SLC36A1: variants seen among roughly 807,000 people sequenced by gnomAD.
The protein encoded by SLC36A1 is proton-coupled amino acid transporter 1.
Under a neutral mutation model 47.5 loss-of-function variants are expected in SLC36A1, and 30 were observed. The ratio of observed to expected loss-of-function variants is 0.63; its 90% CI spans 0.47 to 0.86. The LOEUF is 0.86. Among genes scored for constraint, SLC36A1 ranks in the 40% least tolerant of loss-of-function variants. The probability of loss-of-function intolerance (pLI) is 0.00; values close to 1 mark genes in which losing one functional copy is unlikely to be tolerated. For synonymous variants in SLC36A1, 255 were observed against 249.7 expected, an observed-to-expected ratio of 1.02 and a Z score of -0.20; for missense variants, 517 against 606.0, an observed-to-expected ratio of 0.85 and a Z score of 1.54.
the SLC36A1 span, among the ~76,000 whole-genome samples, chr5:151,551,305 C>T: frequency 3.3e-5 from 5 of 152,142 alleles, no homozygotes; most frequent in African/African-American, 9.7e-5. Context: ...AGAATTCTCC[C>T]AGGATCACAG....
Position 151,463,565 on chromosome 5 carries a change from C to T in SLC36A1, c.156C>T (p.Thr52=). 1 of 1,613,946 alleles carries T rather than the reference C, an allele frequency of 6.2e-7. No homozygotes were observed. The highest frequency in any genetic ancestry group is 8.5e-7 in the Non-Finnish European group (1 of 1,179,838). Residue 52 remains threonine, a synonymous_variant, in exon 3 of 11, where the codon ACC becomes ACT. Coordinates refer to ENST00000243389, the MANE Select transcript of SLC36A1 (RefSeq NM_078483.4). ...TCTTCCACTTCAGATGGTTCCAGAC[C>T]TTGATCCACCTGTTAAAAGGCAACA... ...GQSNSTTWFQ[T]LIHLLKGNIG... is the part of the protein sequence containing the mutation.
Position 151,473,131 on chromosome 5 carries a change from C to T in SLC36A1, c.724-542C>T, listed in dbSNP as rs1222937582. Among the ~76,000 whole-genome samples the T allele has an allele frequency of 2.0e-5, 3 of 152,090 alleles. No homozygotes were observed. The East Asian group carries it at 5.8e-4, about 29-fold the overall frequency. On this transcript the variant is annotated intron_variant, in intron 7 of 10. Transcript: ENST00000243389. ...GGGAGGTTGCAGTGAGCCGAGATCT[C>T]GCCACTGCACGCCAGCCTGGGTGAC...
the SLC36A1 span, among the ~76,000 whole-genome samples, chr5:151,381,737 C>A: frequency 2.6e-5 from 4 of 152,162 alleles, no homozygotes; most frequent in African/African-American, 7.2e-5. Flanking sequence ...AAGAAGACAG[C>A]TTTGACTCCC....
chr5:151,352,272 G>T, the SLC36A1 span, among the ~76,000 whole-genome samples: 4 of 152,068 alleles, frequency 2.6e-5, no homozygotes, highest in Non-Finnish European at 5.9e-5. Flanking sequence ...TTGATTATGT[G>T]TGTGTATCCC....
the SLC36A1 span, chr5:151,542,230 C>T: frequency 6.6e-7 from 1 of 1,507,992 alleles, no homozygotes; most frequent in Non-Finnish European, 8.9e-7. Flanking sequence ...GGCACCTCTT[C>T]CTGGATGTTT....
chr5:151,488,237 A>T lies in SLC36A1; in HGVS notation c.1414A>T (p.Thr472Ser). The T allele has an allele frequency of 6.2e-7, 1 of 1,613,274 alleles. No homozygotes were observed. Among genetic ancestry groups the T allele is most frequent in the Non-Finnish European group, 8.5e-7 (1 of 1,179,766 alleles). ...PSNAPIFINS[T>S]CAFI Reference sequence around the variant, plus strand: ...CAATGCTCCCATCTTCATCAATTCCACCTGTGCCTTCATATAGGGATCTGG... The same window carrying T: ...CAATGCTCCCATCTTCATCAATTCCTCCTGTGCCTTCATATAGGGATCTGG... Residue 472 changes from threonine to serine, a missense_variant, in exon 11 of 11, where the codon ACC becomes TCC. Thr to Ser is a moderately conservative substitution (Grantham distance 58). Coordinates refer to ENST00000243389, the MANE Select transcript of SLC36A1 (RefSeq NM_078483.4).
chr5:151,517,708 C>T, the SLC36A1 span: 444 of 1,614,028 alleles, frequency 2.8e-4, 1 homozygote, highest in Non-Finnish European at 3.5e-4. Flanking sequence ...GTGCCAGTTC[C>T]GAGCCGCTGG....
intron 7 of SLC36A1, 23 bp downstream of exon 7, chr5:151,467,948 A>T (rs394736): frequency 6.3e-7 from 1 of 1,599,308 alleles, no homozygotes; most frequent in South Asian, 1.1e-5. Flanking sequence ...GCCCTCTCCT[A>T]TCATCTTGGT....
the SLC36A1 span, chr5:151,380,873 GT>G: frequency 2.3e-6 from 1 of 433,386 alleles, no homozygotes; most frequent in African/African-American, 2.0e-5. Context: ...GGCAAGGGAT[GT>G]GAAGAAAGTC....
At chr5:151,464,486 C>T in intron 3 of SLC36A1, 28 bp from the exon 4 acceptor site, 1 of 1,596,560 alleles carries the variant, frequency 6.3e-7, no homozygotes, top group South Asian at 1.1e-5. Context: ...TTTTCTCTCT[C>T]TCTTTTGCCT....
At chr5:151,381,899 T>G in the SLC36A1 span, 1 of 289,512 alleles carries the variant, frequency 3.5e-6, no homozygotes, top group Non-Finnish European at 6.4e-6. Context: ...TTTGTGTGAA[T>G]TACTCTTTCT....
At chr5:151,550,985 A>G in the SLC36A1 span, 3 of 833,630 alleles carry the variant, frequency 3.6e-6, no homozygotes, top group Non-Finnish European at 1.9e-6. Context: ...GCACTCAGCA[A>G]TCACTTGATA....
intron 1 of SLC36A1, among the ~76,000 whole-genome samples, chr5:151,448,433 G>C (rs959217861): frequency 6.6e-6 from 1 of 151,640 alleles, no homozygotes; most frequent in Non-Finnish European, 1.5e-5. Flanking sequence ...TCCACCGCTG[G>C]GGTTGGATTT....
At chr5:151,466,792 A>G (rs1018117274) in intron 5 of SLC36A1, among the ~76,000 whole-genome samples, 1 of 152,306 alleles carries the variant, frequency 6.6e-6, no homozygotes, top group East Asian at 1.9e-4. Flanking sequence ...GTGTCTGTGC[A>G]TGTGTCTCAC....
chr5:151,414,674 T>TA, the SLC36A1 span: 1 of 152,120 alleles, frequency 6.6e-6, no homozygotes, highest in Admixed American at 6.5e-5. Flanking sequence ...TCTGCTTGAG[T>TA]TCTCTGCCCT....
At chr5:151,525,671 G>A in the SLC36A1 span, 2 of 1,380,008 alleles carry the variant, frequency 1.4e-6, no homozygotes, top group African/African-American at 1.4e-5. Flanking sequence ...TAAGTGCTTT[G>A]TACATTTTTT....
At chr5:151,355,790 G>A in the SLC36A1 span, among the ~76,000 whole-genome samples, 1 of 152,116 alleles carries the variant, frequency 6.6e-6, no homozygotes, top group Non-Finnish European at 1.5e-5. Flanking sequence ...TTTGAGAAAA[G>A]CATAAAACCG....
intron 1 of SLC36A1, among the ~76,000 whole-genome samples, chr5:151,457,017 G>T (rs1045675578): frequency 7.2e-5 from 11 of 152,180 alleles, no homozygotes; most frequent in African/African-American, 2.7e-4. Flanking sequence ...CATGCCGGAG[G>T]ACAGTCTGAC....
At chr5:151,384,209 C>G in the SLC36A1 span, among the ~76,000 whole-genome samples, 1 of 152,184 alleles carries the variant, frequency 6.6e-6, no homozygotes, top group African/African-American at 2.4e-5. Flanking sequence ...TGCTCTGAAA[C>G]TAACTTTCTG....
Sources: gnomAD v4.1 joint callset for allele counts (sites outside exome capture counted in the v4.1 genomes callset) on GRCh38, gnomAD v4.1.1 for gene constraint, MANE v1.5 for transcripts, NCBI Gene and HGNC (gene_info 2026-07-23, HGNC 2026-07-21) for gene names.